PLCG2: variants seen among roughly 807,000 people sequenced by gnomAD.
PLCG2 encodes the protein 1-phosphatidylinositol 4,5-bisphosphate phosphodiesterase gamma-2.
In PLCG2, 69 loss-of-function variants were observed where a neutral mutation model predicts 175.6. The ratio of observed to expected loss-of-function variants is 0.39; its 90% CI spans 0.32 to 0.48. The LOEUF is 0.48. Among genes scored for constraint, PLCG2 ranks in the 20% least tolerant of loss-of-function variants. The probability of loss-of-function intolerance (pLI) is 0.91; values close to 1 mark genes in which losing one functional copy is unlikely to be tolerated. For synonymous variants in PLCG2, 827 were observed against 624.0 expected (o/e 1.33, Z -4.85); for missense variants, 1,798 against 1,650.9 (o/e 1.09, Z -1.54).
chr16:81,813,384 C>T (rs1249749919), intron 2 of PLCG2, among the ~76,000 whole-genome samples: 2 of 152,188 alleles, frequency 1.3e-5, no homozygotes, highest in Non-Finnish European at 2.9e-5. Context: ...AGAGGTCCTT[C>T]ACATCCCTTG....
chr16:81,762,607 T>C (rs1431139126), intron 2 of PLCG2, among the ~76,000 whole-genome samples: 1 of 152,018 alleles, frequency 6.6e-6, no homozygotes, highest in Non-Finnish European at 1.5e-5. Flanking sequence ...TGTATTTTCC[T>C]TTAACATAAG....
chr16:81,818,827 T>C (rs958601223), intron 2 of PLCG2, among the ~76,000 whole-genome samples: 1 of 149,516 alleles, frequency 6.7e-6, no homozygotes, highest in African/African-American at 2.5e-5. Flanking sequence ...GGTATTTAGG[T>C]AGAATATGAA....
At chr16:81,927,272 A>C in intron 23 of PLCG2, 94 bp downstream of exon 23, 3 of 822,234 alleles carry the variant, frequency 3.6e-6, no homozygotes, top group Admixed American at 3.6e-5. Flanking sequence ...GAATTTTTCC[A>C]TGTGCTGCTT....
intron 18 of PLCG2, among the ~76,000 whole-genome samples, chr16:81,911,547 C>T (rs190272791): frequency 1.8e-4 from 28 of 152,038 alleles, no homozygotes; most frequent in African/African-American, 6.5e-4. Context: ...AAGTGATCCT[C>T]CCACCTCAGC....
At chr16:81,772,682 G>C (rs1190172504) in intron 2 of PLCG2, among the ~76,000 whole-genome samples, 1 of 151,868 alleles carries the variant, frequency 6.6e-6, no homozygotes, top group Non-Finnish European at 1.5e-5. Flanking sequence ...GCTGGGTGTG[G>C]TGGTGCATGC....
intron 2 of PLCG2, among the ~76,000 whole-genome samples, chr16:81,802,691 C>T (rs1911787752): frequency 6.6e-6 from 1 of 152,068 alleles, no homozygotes; most frequent in Non-Finnish European, 1.5e-5. Flanking sequence ...CATGCCTCAG[C>T]CTCCCAAGTA....
At chr16:81,874,047 A>T (rs765015581) in intron 7 of PLCG2, among the ~76,000 whole-genome samples, 1 of 152,218 alleles carries the variant, frequency 6.6e-6, no homozygotes, top group East Asian at 1.9e-4. Context: ...GATTCTGCCG[A>T]TACCAAAGGT....
chr16:81,883,500 C>G (rs934052419), intron 9 of PLCG2, 159 bp downstream of exon 9: 9 of 624,800 alleles, frequency 1.4e-5, no homozygotes, highest in Middle Eastern at 4.1e-4. Flanking sequence ...TGCAGTCTGC[C>G]AGATGCCAGA....
intron 7 of PLCG2, among the ~76,000 whole-genome samples, chr16:81,877,973 A>ATCTT (rs1907889575): frequency 1.8e-5 from 1 of 55,762 alleles, no homozygotes; most frequent in Non-Finnish European, 3.0e-5. Flanking sequence ...TTTTTTTTTA[A>ATCTT]TTTTTTTTTT....
At chr16:81,904,236 G>T (rs1909269177) in intron 14 of PLCG2, among the ~76,000 whole-genome samples, 1 of 152,158 alleles carries the variant, frequency 6.6e-6, no homozygotes, top group South Asian at 2.1e-4. Flanking sequence ...TGACTTACGG[G>T]ATCCCACAGG....
intron 2 of PLCG2, among the ~76,000 whole-genome samples, chr16:81,763,797 T>A (rs1910088737): frequency 2.6e-5 from 4 of 151,412 alleles, no homozygotes; most frequent in Admixed American, 2.6e-4. Flanking sequence ...TGAAACCCCA[T>A]CTCTACTAAA....
At chr16:81,876,429 G>A (rs530398058) in intron 7 of PLCG2, among the ~76,000 whole-genome samples, 38 of 152,252 alleles carry the variant, frequency 2.5e-4, no homozygotes, top group African/African-American at 8.7e-4. Context: ...GTGAAAGGGC[G>A]TGTGCCTTCA....
At chr16:81,871,450 T>C (rs1907510156) in intron 7 of PLCG2, among the ~76,000 whole-genome samples, 1 of 152,178 alleles carries the variant, frequency 6.6e-6, no homozygotes, top group Non-Finnish European at 1.5e-5. Context: ...GCGATTCTTG[T>C]GCCTTAGCCT....
rs1191233373 is a variant in PLCG2, at chr16:81,931,579, T to A, written c.2664T>A (p.Phe888Leu). The A allele has an allele frequency of 6.2e-7, 1 of 1,613,986 alleles. No homozygotes were observed. Among genetic ancestry groups the A allele is most frequent in the Non-Finnish European group, 8.5e-7 (1 of 1,180,006 alleles). ...PKQQGDPPVE[F>L]ATDRVEELFE... ...AGCAGGGCGATCCTCCGGTGGAGTT[T>A]GCCACAGACAGGGTGGAGGAGCTCT... Residue 888 changes from phenylalanine to leucine, a missense_variant, in exon 25 of 33, where the codon TTT (phenylalanine) becomes TTA (leucine). By Grantham distance (22) the Phe-to-Leu change is conservative. Coordinates refer to ENST00000564138, the MANE Select transcript of PLCG2 (RefSeq NM_002661.5).
At chr16:81,887,775 T>G (rs1908443120) in intron 9 of PLCG2, among the ~76,000 whole-genome samples, 1 of 152,240 alleles carries the variant, frequency 6.6e-6, no homozygotes, top group Non-Finnish European at 1.5e-5. Context: ...TGATCAAAGT[T>G]GAATTTACAT....
chr16:81,887,224 A>T (rs2143589213), intron 9 of PLCG2, among the ~76,000 whole-genome samples: 1 of 151,086 alleles, frequency 6.6e-6, no homozygotes, highest in Non-Finnish European at 1.5e-5. Context: ...GGTTCACGCC[A>T]TTCTCCTGCC....
At chr16:81,923,364 T>C in intron 21 of PLCG2, 121 bp from the exon 22 acceptor site, 1 of 620,020 alleles carries the variant, frequency 1.6e-6, no homozygotes, top group Non-Finnish European at 2.9e-6. Flanking sequence ...GATGACTTTG[T>C]AACCTTGGCC....
intron 1 of PLCG2, among the ~76,000 whole-genome samples, chr16:81,743,123 A>G: frequency 6.6e-6 from 1 of 152,156 alleles, no homozygotes; most frequent in Non-Finnish European, 1.5e-5. Context: ...CAACATAGTG[A>G]GTCTCTGTCT....
At chr16:81,956,964 A>G (rs1243039475) in intron 32 of PLCG2, 85 bp downstream of exon 32, 13 of 1,202,730 alleles carry the variant, frequency 1.1e-5, no homozygotes, top group African/African-American at 3.0e-5. Context: ...GCTTCTGGAA[A>G]GCCCTCTGAG....
Sources: gnomAD v4.1 joint callset for allele counts (sites outside exome capture counted in the v4.1 genomes callset) on GRCh38, gnomAD v4.1.1 for gene constraint, MANE v1.5 for transcripts, NCBI Gene and HGNC (gene_info 2026-07-23, HGNC 2026-07-21) for gene names.